The following ANK3 variants were observed in gnomAD, a reference collection of about 807,000 sequenced individuals.
ANK3 encodes ankyrin-3.
A neutral mutation model predicts 370.9 loss-of-function variants in ANK3; 57 were observed. The observed-to-expected ratio is 0.15, with a 90% CI of 0.12 to 0.19. ANK3 has a LOEUF of 0.19. Among genes scored for constraint, ANK3 ranks in the 10% least tolerant of loss-of-function variants. The pLI is 1.00. For missense variants in ANK3, 4,439 were observed against 5,302.1 expected (o/e 0.84, Z 5.06); for synonymous variants, 1,929 against 1,946.3 (o/e 0.99, Z 0.23).
chr10:60,133,504 A>G (rs1404812305), intron 25 of ANK3, among the ~76,000 whole-genome samples: 1 of 152,250 alleles, frequency 6.6e-6, no homozygotes, highest in Non-Finnish European at 1.5e-5. Context: ...AAATACTATC[A>G]CATCTTCAGA....
intron 1 of ANK3, among the ~76,000 whole-genome samples, chr10:60,698,808 C>T (rs1374438515): frequency 2.0e-5 from 3 of 148,584 alleles, no homozygotes; most frequent in South Asian, 2.2e-4. Flanking sequence ...TGCTAGATGA[C>T]GAGCTAGTGG....
intron 1 of ANK3, among the ~76,000 whole-genome samples, chr10:60,673,507 C>T (rs181713601): frequency 0.012 from 1,784 of 152,214 alleles, 33 homozygotes; most frequent in African/African-American, 0.04. Flanking sequence ...CCTGCCACCA[C>T]ACCTAGCTAA....
At chr10:60,286,290 T>C (rs1486030438) in intron 1 of ANK3, among the ~76,000 whole-genome samples, 3 of 152,188 alleles carry the variant, frequency 2.0e-5, no homozygotes, top group Non-Finnish European at 4.4e-5. Context: ...TATTATGTAA[T>C]TGACTTAGTC....
intron 2 of ANK3, among the ~76,000 whole-genome samples, chr10:60,498,812 T>C (rs2075724542): frequency 6.6e-6 from 1 of 152,240 alleles, no homozygotes; most frequent in South Asian, 2.1e-4. Flanking sequence ...TACTATTGTA[T>C]GTCATTAAAC....
intron 8 of ANK3, among the ~76,000 whole-genome samples, chr10:60,230,428 T>C (rs1391230369): frequency 6.6e-6 from 1 of 152,216 alleles, no homozygotes; most frequent in Non-Finnish European, 1.5e-5. Context: ...TTGACAAATA[T>C]GCCTTGATAG....
chr10:60,377,367 C>A (rs1372353525), intron 1 of ANK3, among the ~76,000 whole-genome samples: 6 of 152,182 alleles, frequency 3.9e-5, no homozygotes, highest in African/African-American at 1.4e-4. Flanking sequence ...ATGATTTTGA[C>A]AAATGTTGCT....
At chr10:60,062,954 C>T in intron 40 of ANK3, 157 bp downstream of exon 40, 2 of 662,266 alleles carry the variant, frequency 3.0e-6, no homozygotes, top group Non-Finnish European at 2.4e-6. Flanking sequence ...CAAGTTTGCT[C>T]TGATATCAGA....
chr10:60,493,367 T>C (rs67801419), intron 2 of ANK3, among the ~76,000 whole-genome samples: 21,095 of 151,638 alleles, frequency 0.14, 1,706 homozygotes, highest in African/African-American at 0.22. Flanking sequence ...AAACCATGCT[T>C]AAGATAGAAA....
chr10:60,302,611 G>A (rs577599045), intron 1 of ANK3, among the ~76,000 whole-genome samples: 1 of 152,262 alleles, frequency 6.6e-6, no homozygotes, highest in South Asian at 2.1e-4. Context: ...TAAATAGGCA[G>A]TATTTATATC....
At chr10:60,646,112 T>A (rs2078706135) in intron 1 of ANK3, among the ~76,000 whole-genome samples, 2 of 151,770 alleles carry the variant, frequency 1.3e-5, no homozygotes, top group Non-Finnish European at 2.9e-5. Context: ...GATTACAACA[T>A]GTTCCAATAT....
At chr10:60,282,037 C>A (rs1375924110) in intron 1 of ANK3, among the ~76,000 whole-genome samples, 1 of 152,152 alleles carries the variant, frequency 6.6e-6, no homozygotes, top group Non-Finnish European at 1.5e-5. Context: ...TCAGTTAGAA[C>A]TAAATTAGCC....
intron 2 of ANK3, among the ~76,000 whole-genome samples, chr10:60,410,938 T>G (rs1190169020): frequency 6.6e-6 from 1 of 152,056 alleles, no homozygotes; most frequent in East Asian, 1.9e-4. Flanking sequence ...CTTCCCAAAG[T>G]GCTGGAATTA....
intron 1 of ANK3, among the ~76,000 whole-genome samples, chr10:60,655,534 ATGTT>A (rs1345062106): frequency 3.3e-5 from 5 of 152,128 alleles, no homozygotes; most frequent in Non-Finnish European, 7.4e-5. Context: ...TTTGTACAAT[ATGTT>A]TGTGTTTTAA....
chr10:60,663,766 C>A (rs1393960286), intron 1 of ANK3, among the ~76,000 whole-genome samples: 1 of 152,182 alleles, frequency 6.6e-6, no homozygotes, highest in Non-Finnish European at 1.5e-5. Flanking sequence ...AGCACATTAA[C>A]TTATTTCTCC....
chr10:60,348,463 A>C (rs2056183264), intron 1 of ANK3, among the ~76,000 whole-genome samples: 2 of 152,108 alleles, frequency 1.3e-5, no homozygotes, highest in Admixed American at 6.5e-5. Context: ...GTGACTAAAG[A>C]CACAGACTTA....
chr10:60,209,709 C>T (rs902397803), intron 9 of ANK3, among the ~76,000 whole-genome samples: 3 of 152,182 alleles, frequency 2.0e-5, no homozygotes, highest in African/African-American at 7.2e-5. Context: ...AGCATATGGA[C>T]TGCTTTATTC....
At chr10:60,633,645 T>C (rs1034700679) in intron 1 of ANK3, among the ~76,000 whole-genome samples, 2 of 152,130 alleles carry the variant, frequency 1.3e-5, no homozygotes, top group Non-Finnish European at 2.9e-5. Flanking sequence ...ACAAGGATTT[T>C]AAAAAAATAG....
intron 25 of ANK3, among the ~76,000 whole-genome samples, chr10:60,125,404 C>A (rs1004300714): frequency 3.9e-5 from 6 of 152,292 alleles, no homozygotes; most frequent in Middle Eastern, 3.4e-3. Flanking sequence ...ATACCAACTT[C>A]TCTGCCTTAA....
At chr10:60,729,735 A>G (rs1412358155) in intron 1 of ANK3, among the ~76,000 whole-genome samples, 1 of 152,226 alleles carries the variant, frequency 6.6e-6, no homozygotes, top group Admixed American at 6.5e-5. Flanking sequence ...TGTTCTAGGA[A>G]AAATACTACC....
Sources: gnomAD v4.1 joint callset for allele counts (sites outside exome capture counted in the v4.1 genomes callset) on GRCh38, gnomAD v4.1.1 for gene constraint, MANE v1.5 for transcripts, NCBI Gene and HGNC (gene_info 2026-07-23, HGNC 2026-07-21) for gene names.